ZC2HC1B: variants seen among roughly 807,000 people sequenced by gnomAD.
The protein encoded by ZC2HC1B is zinc finger C2HC-type containing 1B, also known as zinc finger C2HC domain-containing protein 1B.
In ZC2HC1B, 36 loss-of-function variants were observed where a neutral mutation model predicts 31.0. That is an observed-to-expected ratio of 1.16 (90% CI 0.89 to 1.54). The LOEUF is 1.54. Among genes scored for constraint, ZC2HC1B ranks in the 40% most tolerant of loss-of-function variants. The pLI is 0.00. For synonymous variants in ZC2HC1B, 73 were observed against 88.0 expected, an observed-to-expected ratio of 0.83 and a Z score of 0.95; for missense variants, 260 against 268.6, an observed-to-expected ratio of 0.97 and a Z score of 0.22.
chr6:143,886,273 C>T lies in ZC2HC1B; in HGVS notation c.210+122C>T. ...AGTAATGTAATGTAACTGTAATCCA[C>T]CTTTACTTTTTTCTTTATAATCTTG... On this transcript the variant is annotated intron_variant, in intron 3 of 7. Transcript: ENST00000237275. The surrounding 1 kb of genome is among the most constrained non-coding windows in gnomAD (Gnocchi z 4.2). 4.5e-6 allele frequency: 5 copies of T among 1,112,954 alleles called. No homozygotes were observed. The East Asian group carries it at 9.5e-5, about 21-fold the overall frequency. 68.9% of individuals were successfully genotyped at this position (1,112,954 alleles called of 1,614,324 possible).
Position 143,884,733 on chromosome 6 carries a change from A to G in ZC2HC1B, c.90+368A>G, listed in dbSNP as rs141091101. ...AAGAGGAATGAGCATTGAATTTTAG[A>G]CATCTGGAAACCTGGCTTTTAGCCT... is the stretch of plus-strand genomic sequence containing the variant. On this transcript the variant is annotated intron_variant, in intron 2 of 7. Transcript: ENST00000237275. This position sits in a 1 kb window ranked among gnomAD's most constrained non-coding sequence, Gnocchi z 5.1. Among the ~76,000 whole-genome samples, 305 of 152,324 alleles carry G rather than the reference A, an allele frequency of 2.0e-3. 2 individuals are homozygous for G. Among genetic ancestry groups the G allele is most frequent in the African/African-American group, 7.0e-3 (292 of 41,568 alleles).
Position 143,913,543 on chromosome 6 carries a change from A to G in ZC2HC1B, c.598+10391A>G, listed in dbSNP as rs1308611409. On this transcript the variant is annotated intron_variant, in intron 6 of 7. Transcript: ENST00000237275. This position sits in a 1 kb window ranked among gnomAD's most constrained non-coding sequence, Gnocchi z 5.7. ...CCCTGGATTCTGCCCCTTCCTAGGG[A>G]TATATGCAGACCACCTACCTTGCCT... is the stretch of plus-strand genomic sequence containing the variant. Among the ~76,000 whole-genome samples the G allele has an allele frequency of 6.6e-6, 1 of 152,144 alleles. No individual in the cohort carries two copies. The highest frequency in any genetic ancestry group is 1.5e-5 in the Non-Finnish European group (1 of 68,014).
chr6:143,901,703 G>A lies in ZC2HC1B; in HGVS notation c.490-1341G>A, dbSNP rs141790511. ...GGACTTATAGATAAGTGAAGGGCCC[G>A]GTTCAGTGTCTTGCACACAGGGGCT... On this transcript the variant is annotated intron_variant, in intron 5 of 7. Coordinates refer to ENST00000237275, the MANE Select transcript of ZC2HC1B (RefSeq NM_001013623.3). Among the ~76,000 whole-genome samples the A allele has an allele frequency of 1.8e-3, 274 of 152,212 alleles. 1 individual carries two copies. The highest frequency in any genetic ancestry group is 6.2e-3 in the African/African-American group (257 of 41,516).
intron 1 of ZC2HC1B, among the ~76,000 whole-genome samples, chr6:143,874,571 C>G (rs990203023): frequency 1.3e-5 from 2 of 152,130 alleles, no homozygotes; most frequent in Admixed American, 6.5e-5. Context: ...AGAATCATGG[C>G]AGGAGGTGAA....
chr6:143,897,038 G>A (rs1777673909), intron 4 of ZC2HC1B, among the ~76,000 whole-genome samples: 3 of 151,956 alleles, frequency 2.0e-5, no homozygotes, highest in Admixed American at 1.3e-4. Context: ...TAAAGGATAA[G>A]GCTACCAGAT....
At chr6:143,907,617 T>C (rs985728513) in intron 6 of ZC2HC1B, among the ~76,000 whole-genome samples, 14 of 152,222 alleles carry the variant, frequency 9.2e-5, no homozygotes, top group African/African-American at 3.4e-4. Flanking sequence ...GCCTACATTT[T>C]AATGAAGTTG....
chr6:143,893,326 A>AG (rs1417050357), intron 4 of ZC2HC1B, among the ~76,000 whole-genome samples: 3 of 152,178 alleles, frequency 2.0e-5, no homozygotes, highest in African/African-American at 7.2e-5. Flanking sequence ...GCACTTTGGG[A>AG]GGCCAAGGTA....
chr6:143,906,780 T>C (rs1777799451), intron 6 of ZC2HC1B, among the ~76,000 whole-genome samples: 1 of 150,986 alleles, frequency 6.6e-6, no homozygotes, highest in African/African-American at 2.4e-5. Context: ...ATCAAGCTAA[T>C]GGTTTTCTTT....
chr6:143,917,778 A>T lies in ZC2HC1B; in HGVS notation c.598+14626A>T, dbSNP rs528063025. ...ACTTTGGTCCCAAGCATTTCAGATA[A>T]GGGATCCTTAATTTGTGCTTTGTAT... is the stretch of plus-strand genomic sequence containing the variant. On this transcript the variant is annotated intron_variant, in intron 6 of 7. Transcript: ENST00000237275. The surrounding 1 kb of genome is among the most constrained non-coding windows in gnomAD (Gnocchi z 4.1). Among the ~76,000 whole-genome samples the T allele has an allele frequency of 6.6e-6, 1 of 152,386 alleles. No homozygotes were observed. The highest frequency in any genetic ancestry group is 2.1e-4 in the South Asian group (1 of 4,832).
At position 143,933,651 on chromosome 6, in the gene ZC2HC1B, G is replaced by T. The variant is rs566562842; in HGVS notation, c.599-3998G>T. Among the ~76,000 whole-genome samples, 1 of 152,178 alleles carries T rather than the reference G, an allele frequency of 6.6e-6. No individual in the cohort carries two copies. Among genetic ancestry groups the T allele is most frequent in the East Asian group, 1.9e-4 (1 of 5,158 alleles). On this transcript the variant is annotated intron_variant, in intron 6 of 7. Transcript: ENST00000237275. This position sits in a 1 kb window ranked among gnomAD's most constrained non-coding sequence, Gnocchi z 6.4. ...GCCTCACCCAGCTCCCACACAGTTG[G>T]CAAGGCCAGTCTCACTCCCACCGTG...
intron 6 of ZC2HC1B, among the ~76,000 whole-genome samples, chr6:143,926,936 G>A (rs1357184685): frequency 2.6e-5 from 3 of 114,254 alleles, no homozygotes; most frequent in East Asian, 2.6e-4. Context: ...TCAGCCTCCC[G>A]AGTAGCTGGG....
rs1360322033 is a variant in ZC2HC1B, at chr6:143,892,589, C to T, written c.349+5768C>T. Among the ~76,000 whole-genome samples the T allele has an allele frequency of 3.9e-5, 6 of 152,234 alleles. No individual in the cohort carries two copies. In the East Asian group the frequency reaches 5.8e-4, roughly 15 times the overall value. ...TTGGGATTACAGGCGTGAGCCACTG[C>T]GCCCAGCCCAGGCTCTTCTTAACAA... On this transcript the variant is annotated intron_variant, in intron 4 of 7. Transcript: ENST00000237275.
chr6:143,876,353 C>T (rs1011842006), intron 1 of ZC2HC1B, among the ~76,000 whole-genome samples: 1 of 150,614 alleles, frequency 6.6e-6, no homozygotes, highest in Non-Finnish European at 1.5e-5. Context: ...AAACTCCTTG[C>T]CTCTCATGAG....
chr6:143,887,195 A>G lies in ZC2HC1B; in HGVS notation c.349+374A>G, dbSNP rs547817521. On this transcript the variant is annotated intron_variant, in intron 4 of 7. Transcript: ENST00000237275. The surrounding 1 kb of genome is among the most constrained non-coding windows in gnomAD (Gnocchi z 5.1). ...AAATTCCCAAAACATGAAATTTAGC[A>G]TTTTAACCATTTGAAGCTGTACAAT... Among the ~76,000 whole-genome samples, 1 of 152,246 alleles carries G rather than the reference A, an allele frequency of 6.6e-6. No homozygotes were observed. The highest frequency in any genetic ancestry group is 2.1e-4 in the South Asian group (1 of 4,820).
chr6:143,925,679 G>A (rs1778028955), intron 6 of ZC2HC1B, among the ~76,000 whole-genome samples: 2 of 151,826 alleles, frequency 1.3e-5, no homozygotes, highest in Admixed American at 1.3e-4. Flanking sequence ...TGGGATTATA[G>A]GCATGCGCCA....
chr6:143,925,147 A>G (rs922562692), intron 6 of ZC2HC1B, among the ~76,000 whole-genome samples: 43 of 137,176 alleles, frequency 3.1e-4, no homozygotes, highest in Admixed American at 2.9e-3. Context: ...ACTTTTTATT[A>G]CTGATTCAAT....
chr6:143,898,730 G>A, intron 5 of ZC2HC1B, 39 bp downstream of exon 5: 1 of 1,551,036 alleles, frequency 6.4e-7, no homozygotes, highest in Non-Finnish European at 8.7e-7. Context: ...TTGTGCCCTT[G>A]AATGCCTAGG....
chr6:143,901,563 G>A (rs575306100), intron 5 of ZC2HC1B, among the ~76,000 whole-genome samples: 11 of 152,088 alleles, frequency 7.2e-5, no homozygotes, highest in African/African-American at 2.2e-4. Context: ...CCCGGCCAGG[G>A]TTTGAATTTT....
In ZC2HC1B at chr6:143,885,276, G is replaced by A. The variant is rs767901813; in HGVS notation, c.91-756G>A. Reference sequence around the variant, plus strand: ...TCCTGAAACTAGAGGGAGAGCTTGCGGGGCTGGTTGTGGCCCTGTAGTCCA... The same window carrying A: ...TCCTGAAACTAGAGGGAGAGCTTGCAGGGCTGGTTGTGGCCCTGTAGTCCA... On this transcript the variant is annotated intron_variant, in intron 2 of 7. Coordinates refer to ENST00000237275, the MANE Select transcript of ZC2HC1B (RefSeq NM_001013623.3). The surrounding 1 kb of genome is among the most constrained non-coding windows in gnomAD (Gnocchi z 4.2). Among the ~76,000 whole-genome samples the A allele has an allele frequency of 2.0e-4, 30 of 152,276 alleles. 1 individual carries two copies. Among genetic ancestry groups the A allele is most frequent in the Admixed American group, 1.0e-3 (16 of 15,292 alleles).
Sources: allele counts gnomAD v4.1 joint callset (sites outside exome capture counted in the v4.1 genomes callset), GRCh38; gene constraint gnomAD v4.1.1; non-coding constraint Gnocchi (gnomAD v3.1); transcripts MANE v1.5; gene names NCBI Gene and HGNC (gene_info 2026-07-23, HGNC 2026-07-21).